The following SCAPER variants were observed in gnomAD, a reference collection of about 807,000 sequenced individuals.
SCAPER encodes the protein S-phase cyclin A associated protein in the ER.
SCAPER carries 98 observed loss-of-function variants against 182.2 expected under a neutral mutation model. That is an observed-to-expected ratio of 0.54 (90% CI 0.46 to 0.64). The LOEUF (loss-of-function observed/expected upper bound fraction) is 0.64. Among genes scored for constraint, SCAPER ranks in the 30% least tolerant of loss-of-function variants. The probability of loss-of-function intolerance (pLI) is 0.00; values close to 1 mark genes in which losing one functional copy is unlikely to be tolerated. For synonymous variants in SCAPER, 605 were observed against 564.6 expected (o/e 1.07, Z -1.01); for missense variants, 1,432 against 1,690.0 (o/e 0.85, Z 2.68).
chr15:76,431,237 C>A (rs2046839315), intron 26 of SCAPER, among the ~76,000 whole-genome samples: 1 of 136,494 alleles, frequency 7.3e-6, no homozygotes, highest in African/African-American at 2.8e-5. Context: ...ATTCAGATGT[C>A]TAATAGTAAA....
chr15:76,580,273 C>T (rs1009143342), intron 22 of SCAPER, among the ~76,000 whole-genome samples: 2 of 151,966 alleles, frequency 1.3e-5, no homozygotes, highest in African/African-American at 4.8e-5. Flanking sequence ...AGTGTTAGAC[C>T]ACAAAATAAG....
chr15:76,394,274 C>G (rs1018231204), intron 27 of SCAPER, among the ~76,000 whole-genome samples: 10 of 152,200 alleles, frequency 6.6e-5, no homozygotes, highest in Non-Finnish European at 1.5e-5. Flanking sequence ...AACAACAACT[C>G]AAGCTCCCCT....
At chr15:76,881,287 G>A (rs2073519411) in intron 2 of SCAPER, among the ~76,000 whole-genome samples, 1 of 152,130 alleles carries the variant, frequency 6.6e-6, no homozygotes, top group Non-Finnish European at 1.5e-5. Flanking sequence ...GTAGAGCCAG[G>A]GTTTCGCCAT....
At chr15:76,609,876 C>CT (rs987614097) in intron 22 of SCAPER, among the ~76,000 whole-genome samples, 1 of 151,462 alleles carries the variant, frequency 6.6e-6, no homozygotes, top group Non-Finnish European at 1.5e-5. Context: ...ACCAGTACTT[C>CT]TTTTTTTTTC....
intron 23 of SCAPER, among the ~76,000 whole-genome samples, chr15:76,545,959 C>T (rs2045245706): frequency 6.6e-6 from 1 of 152,082 alleles, no homozygotes; most frequent in Non-Finnish European, 1.5e-5. Context: ...AAAAAATATT[C>T]CCAGAGCTCA....
intron 8 of SCAPER, among the ~76,000 whole-genome samples, chr15:76,777,648 C>T (rs1245128825): frequency 1.3e-5 from 2 of 152,086 alleles, no homozygotes; most frequent in Admixed American, 6.6e-5. Context: ...GAGCTGAGAT[C>T]GCACCATGGC....
At chr15:76,504,495 T>C (rs1011584170) in intron 24 of SCAPER, among the ~76,000 whole-genome samples, 2 of 152,356 alleles carry the variant, frequency 1.3e-5, no homozygotes, top group African/African-American at 4.8e-5. Flanking sequence ...AGACTTTTGC[T>C]AATGTACTTA....
chr15:76,901,797 G>A (rs1382695898), intron 1 of SCAPER, among the ~76,000 whole-genome samples: 7 of 151,770 alleles, frequency 4.6e-5, no homozygotes, highest in Non-Finnish European at 5.9e-5. Context: ...TCAGCTCACT[G>A]CAACCTCCAC....
At chr15:76,633,552 C>T (rs755790757) in intron 21 of SCAPER, among the ~76,000 whole-genome samples, 1 of 152,246 alleles carries the variant, frequency 6.6e-6, no homozygotes, top group Non-Finnish European at 1.5e-5. Flanking sequence ...ATCCACCATA[C>T]TGCAGGCACC....
At chr15:76,355,976 C>G (rs2141673019) in intron 29 of SCAPER, among the ~76,000 whole-genome samples, 1 of 152,334 alleles carries the variant, frequency 6.6e-6, no homozygotes, top group South Asian at 2.1e-4. Flanking sequence ...TTCTAAGGAG[C>G]TTTACCCATT....
chr15:76,616,023 G>C (rs2051450819), intron 22 of SCAPER, among the ~76,000 whole-genome samples: 1 of 152,080 alleles, frequency 6.6e-6, no homozygotes, highest in South Asian at 2.1e-4. Context: ...GAGCTGGTGA[G>C]AATGTAAAAA....
chr15:76,722,780 T>G (rs2060333543), intron 17 of SCAPER, among the ~76,000 whole-genome samples: 1 of 152,220 alleles, frequency 6.6e-6, no homozygotes. Flanking sequence ...GATATCTCCT[T>G]TGTCATTTTT....
At chr15:76,489,722 T>G (rs1399794504) in intron 24 of SCAPER, among the ~76,000 whole-genome samples, 2 of 152,210 alleles carry the variant, frequency 1.3e-5, no homozygotes, top group Non-Finnish European at 2.9e-5. Context: ...TTAGGCACAG[T>G]GTTGTAAAAT....
intron 22 of SCAPER, among the ~76,000 whole-genome samples, chr15:76,591,608 CAT>C (rs2049116588): frequency 1.3e-5 from 2 of 152,126 alleles, no homozygotes; most frequent in African/African-American, 4.8e-5. Context: ...ATTACTGGCA[CAT>C]GTCACCATGT....
At chr15:76,505,289 A>G (rs902083424) in intron 23 of SCAPER, among the ~76,000 whole-genome samples, 5 of 152,166 alleles carry the variant, frequency 3.3e-5, no homozygotes, top group African/African-American at 9.7e-5. Flanking sequence ...AAAGGAAACA[A>G]TCCACCAAGC....
chr15:76,499,523 T>C lies in SCAPER; in HGVS notation c.2954+5336A>G, dbSNP rs941774580. 2.0e-5 allele frequency among the ~76,000 whole-genome samples: 3 copies of C among 152,222 alleles called. No individual in the cohort carries two copies. The South Asian group carries it at 6.2e-4, about 32-fold the overall frequency. On this transcript the variant is annotated intron_variant, in intron 24 of 31. Transcript: ENST00000563290. The stretch of plus-strand genomic sequence containing the variant: ...CTGCTGGAGAAAGAATTCATTCATA[T>C]AGTCACACAATATTGACTATGATGT...
intron 4 of SCAPER, among the ~76,000 whole-genome samples, chr15:76,843,799 A>T (rs1310503174): frequency 7.0e-6 from 1 of 143,368 alleles, no homozygotes; most frequent in Non-Finnish European, 1.5e-5. Context: ...AGCTCTCTTT[A>T]AAAAAAAAAA....
intron 24 of SCAPER, among the ~76,000 whole-genome samples, chr15:76,500,912 G>A (rs1358635748): frequency 2.6e-5 from 4 of 151,898 alleles, no homozygotes; most frequent in Non-Finnish European, 4.4e-5. Context: ...GCATGGTGGC[G>A]TGTGCTTGTA....
At chr15:76,775,331 C>T (rs2063685032) in intron 8 of SCAPER, among the ~76,000 whole-genome samples, 1 of 151,864 alleles carries the variant, frequency 6.6e-6, no homozygotes, top group Non-Finnish European at 1.5e-5. Flanking sequence ...AACTGAAATT[C>T]AGATTAAGGC....
Sources: allele counts gnomAD v4.1 joint callset (sites outside exome capture counted in the v4.1 genomes callset), GRCh38; gene constraint gnomAD v4.1.1; transcripts MANE v1.5; gene names NCBI Gene and HGNC (gene_info 2026-07-23, HGNC 2026-07-21).